The following C8orf74 variants were observed in gnomAD, a reference collection of about 807,000 sequenced individuals.
C8orf74 encodes the protein chromosome 8 open reading frame 74, also known as uncharacterized protein C8orf74.
A neutral mutation model predicts 22.2 loss-of-function variants in C8orf74; 29 were observed. The ratio of observed to expected loss-of-function variants is 1.31; its 90% CI spans 0.97 to 1.78. The LOEUF is 1.78. Among genes scored for constraint, C8orf74 ranks in the 40% most tolerant of loss-of-function variants. C8orf74 has a pLI of 0.00. For synonymous variants in C8orf74, 255 were observed against 163.1 expected (o/e 1.56, Z -4.30); for missense variants, 515 against 369.9 (o/e 1.39, Z -3.22).
Position 10,700,367 on chromosome 8 carries a change from G to GCCCCCCCCCCCAAACCCCCCCCCCACAA in C8orf74, c.786_787insCCCCCCAAACCCCCCCCCCACAACCCCC (p.Thr263ProfsTer66). 2 of 1,590,930 alleles carry GCCCCCCCCCCCAAACCCCCCCCCCACAA rather than the reference G, an allele frequency of 1.3e-6. No homozygotes were observed. The highest frequency in any genetic ancestry group is 1.7e-6 in the Non-Finnish European group (2 of 1,159,758). On this transcript the variant is annotated frameshift_variant, in exon 4 of 4. Coordinates refer to ENST00000304519, the MANE Select transcript of C8orf74 (RefSeq NM_001040032.2). LOFTEE classifies it low-confidence loss of function (END_TRUNC). The stretch of plus-strand genomic sequence containing the variant: ...TCAGAAGAAGACTCTGAACCTCAAC[G>GCCCCCCCCCCCAAACCCCCCCCCCACAA]CCCCCACCCCTATCCCGCCCCCCAT...
chr8:10,688,734 C>T (rs1300706114), intron 2 of C8orf74: 5 of 152,438 alleles, frequency 3.3e-5, no homozygotes, highest in Non-Finnish European at 5.9e-5. Context: ...AGCTGCTCCT[C>T]TTCCCCCATG....
chr8:10,674,723 C>T lies in C8orf74; in HGVS notation c.126C>T (p.Ser42=), dbSNP rs1394591666. 1.2e-6 allele frequency: 2 copies of T among 1,608,634 alleles called. No homozygotes were observed. Among genetic ancestry groups the T allele is most frequent in the Non-Finnish European group, 1.7e-6 (2 of 1,177,546 alleles). ...EFDEQRDSRR[S]ILLDTLYESI... Reference sequence around the variant, plus strand: ...ACGAACAGAGAGACTCCCGGAGGAGCATCCTGCTGGACACCCTCTACGAGA... The same window carrying T: ...ACGAACAGAGAGACTCCCGGAGGAGTATCCTGCTGGACACCCTCTACGAGA... Residue 42 remains serine, a synonymous_variant, in exon 2 of 4, where the codon AGC becomes AGT. Transcript: ENST00000304519.
At chr8:10,696,196 T>A (rs1486086855) in intron 2 of C8orf74, among the ~76,000 whole-genome samples, 1 of 151,952 alleles carries the variant, frequency 6.6e-6, no homozygotes, top group Non-Finnish European at 1.5e-5. Flanking sequence ...CTCTGACCAC[T>A]GTGCTGAGCA....
At chr8:10,698,415 G>A (rs886819903) in intron 3 of C8orf74, among the ~76,000 whole-genome samples, 5 of 152,120 alleles carry the variant, frequency 3.3e-5, no homozygotes, top group Admixed American at 6.5e-5. Flanking sequence ...CTAGGATGGG[G>A]GAGAAGATGG....
chr8:10,673,731 C>A (rs1798964778), intron 1 of C8orf74: 1 of 153,802 alleles, frequency 6.5e-6, no homozygotes, highest in Admixed American at 6.6e-5. Flanking sequence ...TGCCCAGAAA[C>A]CAAAGCACAG....
rs369257053 is a variant in C8orf74, at chr8:10,672,702, T to G, written c.37T>G (p.Phe13Val). Residue 13 changes from phenylalanine to valine, a missense_variant, in exon 1 of 4, where the codon TTC (phenylalanine) becomes GTC (valine). Phe to Val is a conservative substitution (Grantham distance 50, BLOSUM62 -1). Transcript: ENST00000304519. ...LLTPQGVKEV[F>V]QLQRPQGRER... ...AACACCCCAGGGAGTGAAAGAAGTC[T>G]TCCAACTTCAGGTGAAGGAAGAGAA... The G allele has an allele frequency of 9.0e-6, 14 of 1,563,350 alleles. No individual in the cohort carries two copies. In the African/African-American group the frequency reaches 1.8e-4, roughly 20 times the overall value.
At chr8:10,698,794 G>C (rs1362616651) in intron 3 of C8orf74, among the ~76,000 whole-genome samples, 1 of 151,962 alleles carries the variant, frequency 6.6e-6, no homozygotes, top group Non-Finnish European at 1.5e-5. Flanking sequence ...TCAGGCATTG[G>C]AGTGGGGGAG....
intron 2 of C8orf74, chr8:10,688,401 G>C (rs562636072): frequency 6.6e-6 from 1 of 152,298 alleles, no homozygotes; most frequent in East Asian, 1.9e-4. Flanking sequence ...AAGTGATGAA[G>C]TTGTGCAGCC....
intron 2 of C8orf74, chr8:10,689,701 T>A (rs548552331): frequency 6.6e-6 from 1 of 152,336 alleles, no homozygotes; most frequent in East Asian, 1.9e-4. Flanking sequence ...CCATACATTT[T>A]GTATGTAATA....
At chr8:10,689,508 G>C (rs1328340132) in intron 2 of C8orf74, 1 of 152,154 alleles carries the variant, frequency 6.6e-6, no homozygotes, top group Non-Finnish European at 1.5e-5. Context: ...ATCTCTTAAA[G>C]GGTCTCTCTG....
chr8:10,686,861 C>G (rs544173276), intron 2 of C8orf74, among the ~76,000 whole-genome samples: 26 of 152,322 alleles, frequency 1.7e-4, no homozygotes, highest in African/African-American at 6.3e-4. Flanking sequence ...CTACCCATAA[C>G]TGGGGACCCA....
At position 10,674,712 on chromosome 8, in the gene C8orf74, T is replaced by G. The variant is rs1450971618; in HGVS notation, c.115T>G (p.Ser39Ala). The stretch of plus-strand genomic sequence containing the variant: ...GGAGGAGTTTGACGAACAGAGAGAC[T>G]CCCGGAGGAGCATCCTGCTGGACAC... The part of the protein sequence containing the change: ...NWEEFDEQRD[S>A]RRSILLDTLY... The change falls in exon 2 of 4, where the codon TCC (serine) becomes GCC (alanine). Residue 39 changes from serine (S) to alanine (A), a missense_variant. Transcript: ENST00000304519. 2 of 1,608,846 alleles carry G rather than the reference T, an allele frequency of 1.2e-6. No homozygotes were observed. Among genetic ancestry groups the G allele is most frequent in the South Asian group, 2.2e-5 (2 of 89,788 alleles).
Position 10,674,749 on chromosome 8 carries a change from G to A in C8orf74, c.152G>A (p.Ser51Asn), listed in dbSNP as rs370507961. 6.8e-6 allele frequency: 11 copies of A among 1,607,422 alleles called. No individual in the cohort carries two copies. Among genetic ancestry groups the A allele is most frequent in the South Asian group, 5.6e-5 (5 of 89,442 alleles). ...ATCCTGCTGGACACCCTCTACGAGAGCATCATCTTTGCAGTGGGCAAAGGC... is the reference window on the plus strand; with the variant it reads ...ATCCTGCTGGACACCCTCTACGAGAACATCATCTTTGCAGTGGGCAAAGGC... ...RSILLDTLYE[S>N]IIFAVGKGFP... The change falls in exon 2 of 4, where the codon AGC becomes AAC. Residue 51 changes from serine (S) to asparagine (N), a missense_variant. By Grantham distance (46) the Ser-to-Asn change is conservative. Coordinates refer to ENST00000304519, the MANE Select transcript of C8orf74 (RefSeq NM_001040032.2).
rs1468829148 is a variant in C8orf74, at chr8:10,683,553, T to C, written c.241+8715T>C. Among the ~76,000 whole-genome samples the C allele has an allele frequency of 2.6e-5, 4 of 152,166 alleles. No homozygotes were observed. The East Asian group carries it at 7.7e-4, about 29-fold the overall frequency. On this transcript the variant is annotated intron_variant, in intron 2 of 3. Coordinates refer to ENST00000304519, the MANE Select transcript of C8orf74 (RefSeq NM_001040032.2). ...CCTAGTCGCTTTCATCTCTGGGGGA[T>C]GATGACCATGAGGATGACCAGGACC...
chr8:10,687,455 G>C (rs891099533), intron 2 of C8orf74, among the ~76,000 whole-genome samples: 1 of 151,936 alleles, frequency 6.6e-6, no homozygotes, highest in Non-Finnish European at 1.5e-5. Context: ...TTCAAGACCA[G>C]CCTGACCAAC....
rs189926152 is a variant in C8orf74 at position 10,674,652 on chromosome 8, C to G, written c.55C>G (p.Gln19Glu). 9.3e-4 allele frequency: 1,496 copies of G among 1,607,018 alleles called. 16 individuals are homozygous for G. The East Asian group carries it at 0.029, about 31-fold the overall frequency. ...CCCATGTCATTCCCTGCAGAGACCA[C>G]AAGGTCGGGAGCGCCTGCGGAGGCT... ...VKEVFQLQRPQGRERLRRLLN... is the reference protein window; with the variant it reads ...VKEVFQLQRPEGRERLRRLLN... The change falls in exon 2 of 4, where the codon CAA becomes GAA. Residue 19 changes from glutamine to glutamate, a missense_variant. Transcript: ENST00000304519.
Position 10,697,980 on chromosome 8 carries a change from AGCCCG to A in C8orf74, c.627_631del (p.Gln211ProfsTer107). 6.6e-7 allele frequency: 1 copy of A among 1,506,924 alleles called. No homozygotes were observed. The highest frequency in any genetic ancestry group is 8.8e-7 in the Non-Finnish European group (1 of 1,130,448). The allele number at this position is 1,506,924 out of a possible 1,614,324, so 93.3% of individuals were successfully genotyped here. A position where few individuals can be genotyped will look rare whatever the true frequency, so the allele number is the denominator to read the frequency against. On this transcript the variant is annotated frameshift_variant, in exon 3 of 4. Transcript: ENST00000304519. LOFTEE classifies it low-confidence loss of function (END_TRUNC). The stretch of plus-strand genomic sequence containing the variant: ...GCGTTCGCTGCCGCCGCGCCTGCGC[AGCCCG>A]GCCAGGTCCTGGAGAGACAGGTGAG...
At chr8:10,689,978 C>T (rs762600226) in intron 2 of C8orf74, among the ~76,000 whole-genome samples, 1 of 152,120 alleles carries the variant, frequency 6.6e-6, no homozygotes, top group East Asian at 1.9e-4. Flanking sequence ...AGAATTCAGC[C>T]TAGGGACTCC....
chr8:10,690,927 A>C (rs1799367450), intron 2 of C8orf74: 1 of 455,974 alleles, frequency 2.2e-6, no homozygotes, highest in Admixed American at 2.4e-5. Flanking sequence ...AGCCAATGCA[A>C]ATGAGGGCCA....
Sources: gnomAD v4.1 joint callset for allele counts (sites outside exome capture counted in the v4.1 genomes callset) on GRCh38, gnomAD v4.1.1 for gene constraint, MANE v1.5 for transcripts, NCBI Gene and HGNC (gene_info 2026-07-23, HGNC 2026-07-21) for gene names.